Variants in ATE1 observed in about 807,000 individuals in gnomAD.
ATE1 encodes the protein arginyltransferase 1, also known as arginyl-tRNA--protein transferase 1.
Under a neutral mutation model 70.5 loss-of-function variants are expected in ATE1, and 36 were observed. That is an observed-to-expected ratio of 0.51 (90% CI 0.39 to 0.67). ATE1 has a LOEUF of 0.67. Ranked by LOEUF, ATE1 falls within the 30% of genes least tolerant of loss-of-function variation. ATE1 has a pLI of 0.00. For synonymous variants in ATE1, 232 were observed against 219.3 expected (o/e 1.06, Z -0.51); for missense variants, 593 against 629.5 (o/e 0.94, Z 0.62).
rs181713902 is a variant in ATE1, at chr10:121,785,701, T to C, written c.1378+4468A>G. On this transcript the variant is annotated intron_variant, in intron 11 of 11. Transcript: ENST00000224652. Reference sequence around the variant, plus strand: ...AGGTACGAGCTTCTTTACATTAGTTTAGATTTTTAGCAACTGCTGGGAAGA... The same window carrying C: ...AGGTACGAGCTTCTTTACATTAGTTCAGATTTTTAGCAACTGCTGGGAAGA... Among the ~76,000 whole-genome samples the C allele has an allele frequency of 4.2e-4, 64 of 152,300 alleles. 1 individual carries two copies. The highest frequency in any genetic ancestry group is 2.4e-5 in the African/African-American group (1 of 41,580).
chr10:121,816,674 ACTTCCCAG>A (rs1947556882), intron 10 of ATE1, among the ~76,000 whole-genome samples: 1 of 152,168 alleles, frequency 6.6e-6, no homozygotes, highest in Non-Finnish European at 1.5e-5. Context: ...TTGATCTTAA[ACTTCCCAG>A]TCTTCAGACT....
intron 10 of ATE1, among the ~76,000 whole-genome samples, chr10:121,800,948 C>T (rs1946854374): frequency 6.6e-6 from 1 of 152,174 alleles, no homozygotes; most frequent in Admixed American, 6.5e-5. Flanking sequence ...CCCCTTGCTC[C>T]CTGATTTCAT....
At chr10:121,803,935 T>G (rs1946994317) in intron 10 of ATE1, among the ~76,000 whole-genome samples, 1 of 152,218 alleles carries the variant, frequency 6.6e-6, no homozygotes. Context: ...AGGATAACCT[T>G]TCCTCCCTCC....
intron 8 of ATE1, among the ~76,000 whole-genome samples, chr10:121,849,214 A>C (rs1411579920): frequency 6.7e-6 from 1 of 148,724 alleles, no homozygotes; most frequent in Non-Finnish European, 1.5e-5. Context: ...TCCATCTCAA[A>C]AAAAAAAAAA....
intron 11 of ATE1, among the ~76,000 whole-genome samples, chr10:121,747,394 C>T (rs535370196): frequency 5.3e-5 from 8 of 152,290 alleles, no homozygotes; most frequent in Admixed American, 3.3e-4. Context: ...TGGGTTCAGC[C>T]AGTAACAAGA....
intron 1 of ATE1, chr10:121,927,612 G>A (rs1952150630): frequency 1.6e-5 from 15 of 958,824 alleles, no homozygotes; most frequent in Non-Finnish European, 1.9e-5. Context: ...CGACTCTGGG[G>A]AGACCACCAC....
chr10:121,924,644 G>A (rs1024062206), intron 1 of ATE1, among the ~76,000 whole-genome samples: 6 of 148,950 alleles, frequency 4.0e-5, no homozygotes, highest in Non-Finnish European at 5.9e-5. Flanking sequence ...AGGTTGCAGT[G>A]AGCCAAGATC....
At chr10:121,916,237 A>C (rs976872230) in intron 3 of ATE1, among the ~76,000 whole-genome samples, 6 of 152,118 alleles carry the variant, frequency 3.9e-5, no homozygotes, top group South Asian at 2.1e-4. Flanking sequence ...GAAAAACAAA[A>C]AACAACAACA....
chr10:121,779,610 T>A (rs565638961), intron 11 of ATE1, among the ~76,000 whole-genome samples: 2 of 125,114 alleles, frequency 1.6e-5, no homozygotes, highest in South Asian at 6.4e-4. Context: ...GACCCTGATG[T>A]GTTTTCATCT....
chr10:121,763,454 G>T (rs574152300), intron 11 of ATE1, among the ~76,000 whole-genome samples: 1 of 152,156 alleles, frequency 6.6e-6, no homozygotes, highest in African/African-American at 2.4e-5. Context: ...GCCACATAAA[G>T]ATATGGGGGA....
chr10:121,776,688 G>A (rs546749703), intron 11 of ATE1, among the ~76,000 whole-genome samples: 1 of 152,370 alleles, frequency 6.6e-6, no homozygotes, highest in African/African-American at 2.4e-5. Flanking sequence ...CACGAGTGAG[G>A]GTGAGTACTA....
intron 8 of ATE1, among the ~76,000 whole-genome samples, chr10:121,854,303 A>T (rs1949164598): frequency 6.6e-6 from 1 of 152,074 alleles, no homozygotes. Context: ...CATATTCTTA[A>T]ATGTTCTTTG....
chr10:121,803,171 G>T (rs894631326), intron 10 of ATE1, among the ~76,000 whole-genome samples: 5 of 152,048 alleles, frequency 3.3e-5, no homozygotes, highest in Non-Finnish European at 7.4e-5. Context: ...CCTAAGAGCT[G>T]GGAGTACATC....
intron 4 of ATE1, among the ~76,000 whole-genome samples, chr10:121,912,153 G>C (rs1368081799): frequency 6.6e-6 from 1 of 152,004 alleles, no homozygotes; most frequent in East Asian, 2.0e-4. Flanking sequence ...GCCTCTCAAA[G>C]TGCTGGGACT....
At chr10:121,825,369 T>C (rs937471927) in intron 10 of ATE1, among the ~76,000 whole-genome samples, 5 of 152,186 alleles carry the variant, frequency 3.3e-5, no homozygotes, top group Non-Finnish European at 7.4e-5. Flanking sequence ...ATATATTTCA[T>C]ATCTCAGTTT....
Position 121,875,271 on chromosome 10 carries a change from A to T in ATE1, c.943-5233T>A, listed in dbSNP as rs140763569. Among the ~76,000 whole-genome samples, 1,022 of 148,744 alleles carry T rather than the reference A, an allele frequency of 6.9e-3. 26 individuals carry two copies. The highest frequency in any genetic ancestry group is 0.024 in the African/African-American group (965 of 40,536). On this transcript the variant is annotated intron_variant, in intron 7 of 11. Transcript: ENST00000224652. ...TCTTCCTAGGTCTACCCACTTAAGT[A>T]ATTTGGGCCTTGAGGGTTTTTTTTT...
chr10:121,844,026 A>AT (rs2133811460), intron 8 of ATE1, among the ~76,000 whole-genome samples: 1 of 152,360 alleles, frequency 6.6e-6, no homozygotes, highest in South Asian at 2.1e-4. Context: ...TGTAAAAGAC[A>AT]TATCTGATAA....
chr10:121,847,062 A>C (rs1948853072), intron 8 of ATE1, among the ~76,000 whole-genome samples: 1 of 152,180 alleles, frequency 6.6e-6, no homozygotes, highest in Non-Finnish European at 1.5e-5. Flanking sequence ...AACAAGAAAT[A>C]AACAAGTTTC....
intron 7 of ATE1, among the ~76,000 whole-genome samples, chr10:121,889,004 A>T (rs1278530425): frequency 6.6e-6 from 1 of 152,148 alleles, no homozygotes; most frequent in African/African-American, 2.4e-5. Flanking sequence ...AGTTAGTAGT[A>T]ATCAACTTAT....
Sources: allele counts gnomAD v4.1 joint callset (sites outside exome capture counted in the v4.1 genomes callset), GRCh38; gene constraint gnomAD v4.1.1; transcripts MANE v1.5; gene names NCBI Gene and HGNC (gene_info 2026-07-23, HGNC 2026-07-21).